The following RP1L1 variants were observed in gnomAD, a reference collection of about 807,000 sequenced individuals.
The protein encoded by RP1L1 is retinitis pigmentosa 1-like 1 protein.
In RP1L1, 27 loss-of-function variants were observed where a neutral mutation model predicts 15.7. That is an observed-to-expected ratio of 1.72 (90% CI 1.27 to 2.38). The LOEUF is 2.38. Ranked by LOEUF, RP1L1 falls within the 30% of genes most tolerant of loss-of-function variation. RP1L1 has a pLI of 0.00. For synonymous variants in RP1L1, 1,813 were observed against 1,276.7 expected, an observed-to-expected ratio of 1.42 and a Z score of -8.96; for missense variants, 4,798 against 3,075.9, an observed-to-expected ratio of 1.56 and a Z score of -13.24.
At chr8:10,639,860 G>C (rs140953454) in intron 1 of RP1L1, among the ~76,000 whole-genome samples, 1 of 152,296 alleles carries the variant, frequency 6.6e-6, no homozygotes, top group African/African-American at 2.4e-5. Context: ...AGTATTTCCA[G>C]AAGAAAGGAC....
chr8:10,635,570 T>C (rs1465266541), intron 1 of RP1L1, among the ~76,000 whole-genome samples: 1 of 152,166 alleles, frequency 6.6e-6, no homozygotes, highest in Non-Finnish European at 1.5e-5. Flanking sequence ...TTCTGTACTA[T>C]GTTGCTCTCC....
intron 1 of RP1L1, among the ~76,000 whole-genome samples, chr8:10,628,147 T>C (rs1261188031): frequency 2.0e-5 from 3 of 152,116 alleles, no homozygotes; most frequent in Non-Finnish European, 4.4e-5. Flanking sequence ...TGGCTTTGAG[T>C]GACCTACTTG....
At chr8:10,649,601 A>G (rs1798529517) in intron 1 of RP1L1, among the ~76,000 whole-genome samples, 1 of 152,192 alleles carries the variant, frequency 6.6e-6, no homozygotes, top group Non-Finnish European at 1.5e-5. Flanking sequence ...GCTTCTGGCC[A>G]GGTGCGGTGG....
intron 1 of RP1L1, among the ~76,000 whole-genome samples, chr8:10,649,321 TC>T: frequency 6.6e-6 from 1 of 152,368 alleles, no homozygotes; most frequent in South Asian, 2.1e-4. Context: ...GGGAGCCTAC[TC>T]TAGGGACTAG....
intron 1 of RP1L1, among the ~76,000 whole-genome samples, chr8:10,641,613 G>A (rs1382422816): frequency 1.3e-5 from 2 of 152,226 alleles, no homozygotes; most frequent in African/African-American, 4.8e-5. Context: ...TATTTTCAAT[G>A]TTATCGTAAT....
At chr8:10,635,143 C>T (rs1056150787) in intron 1 of RP1L1, among the ~76,000 whole-genome samples, 3 of 152,188 alleles carry the variant, frequency 2.0e-5, no homozygotes, top group Non-Finnish European at 4.4e-5. Flanking sequence ...CGGTCTTCAT[C>T]TGATCTTGCC....
At chr8:10,654,333 T>G (rs73662893) in intron 1 of RP1L1, among the ~76,000 whole-genome samples, 6,119 of 152,146 alleles carry the variant, frequency 0.04, 430 homozygotes, top group African/African-American at 0.14. Flanking sequence ...TGAAGCTGGG[T>G]AGAGAAAATT....
At chr8:10,626,239 G>A (rs929975573) in intron 1 of RP1L1, among the ~76,000 whole-genome samples, 61 of 126,788 alleles carry the variant, frequency 4.8e-4, no homozygotes, top group African/African-American at 1.5e-3. Context: ...GTGAATAGCG[G>A]GAGGATGGGG....
chr8:10,635,552 C>G (rs1164157940), intron 1 of RP1L1, among the ~76,000 whole-genome samples: 1 of 152,158 alleles, frequency 6.6e-6, no homozygotes, highest in Non-Finnish European at 1.5e-5. Context: ...GAAAGAAGAC[C>G]AGGTAACTTC....
rs761779201 is a variant in RP1L1, at chr8:10,613,068, C to A, written c.1030G>T (p.Gly344Cys). The change falls in exon 4 of 4, where the codon GGC becomes TGC. Residue 344 changes from glycine to cysteine, a missense_variant. Transcript: ENST00000382483. ...EDTLLWSRRM[G>C]RASALTAASG... ...GCTGCCGTGAGGGCGCTGGCCCTGC[C>A]CATCCTCCGGGACCATAGGAGCGTG... 1.6e-5 allele frequency: 26 copies of A among 1,613,598 alleles called. 1 individual carries two copies. The highest frequency in any genetic ancestry group is 4.0e-5 in the African/African-American group (3 of 74,948).
At chr8:10,628,542 G>C (rs540413537) in intron 1 of RP1L1, among the ~76,000 whole-genome samples, 1 of 152,244 alleles carries the variant, frequency 6.6e-6, no homozygotes, top group South Asian at 2.1e-4. Context: ...CCTTGGTGAT[G>C]AGAAAAAAAC....
In RP1L1 at chr8:10,632,501, C is replaced by G. The variant is rs151263859; in HGVS notation, c.-19-9281G>C. Reference sequence around the variant, plus strand: ...TTGGGGAGGGACCCCCATCTCATCCCGACTTTTTCCTTTCCCCCTGCATGC... The same window carrying G: ...TTGGGGAGGGACCCCCATCTCATCCGGACTTTTTCCTTTCCCCCTGCATGC... On this transcript the variant is annotated intron_variant, in intron 1 of 3. Transcript: ENST00000382483. 2.0e-3 allele frequency among the ~76,000 whole-genome samples: 302 copies of G among 152,298 alleles called. 2 individuals are homozygous for G. The highest frequency in any genetic ancestry group is 6.9e-3 in the African/African-American group (287 of 41,570).
intron 2 of RP1L1, among the ~76,000 whole-genome samples, 180 bp from the exon 3 acceptor site, chr8:10,616,767 G>C (rs558517728): frequency 3.3e-5 from 5 of 152,112 alleles, no homozygotes; most frequent in Non-Finnish European, 5.9e-5. Context: ...TCACTAGCTG[G>C]AGGCTGAGGT....
chr8:10,616,625 G>A (rs755067311), intron 2 of RP1L1, 38 bp from the exon 3 acceptor site: 4 of 1,592,346 alleles, frequency 2.5e-6, no homozygotes, highest in South Asian at 1.1e-5. Context: ...GGCCTGGGCT[G>A]CAGAAACCCC....
intron 1 of RP1L1, among the ~76,000 whole-genome samples, chr8:10,638,833 C>T (rs916789293): frequency 2.6e-5 from 4 of 152,134 alleles, no homozygotes; most frequent in African/African-American, 9.7e-5. Context: ...CACGTTCTTG[C>T]CTCTGCTCTC....
chr8:10,630,814 A>C (rs1294648779), intron 1 of RP1L1, among the ~76,000 whole-genome samples: 3 of 152,258 alleles, frequency 2.0e-5, no homozygotes, highest in Non-Finnish European at 4.4e-5. Context: ...AACACTGGAC[A>C]TGATGGAATG....
intron 1 of RP1L1, among the ~76,000 whole-genome samples, chr8:10,652,383 C>T (rs367885227): frequency 4.7e-4 from 71 of 152,306 alleles, no homozygotes; most frequent in African/African-American, 1.6e-3. Flanking sequence ...TCCTCAGAAA[C>T]TGATCCATCA....
At chr8:10,644,101 CT>C (rs939650093) in intron 1 of RP1L1, among the ~76,000 whole-genome samples, 1 of 152,020 alleles carries the variant, frequency 6.6e-6, no homozygotes, top group African/African-American at 2.4e-5. Context: ...AATTCTACCT[CT>C]TTTGAAAGCT....
chr8:10,621,823 A>G (rs1283387816), intron 2 of RP1L1: 1 of 469,544 alleles, frequency 2.1e-6, no homozygotes, highest in Admixed American at 2.3e-5. Context: ...CAATAATCAT[A>G]GTGGCTTCCA....
Sources: allele counts gnomAD v4.1 joint callset (sites outside exome capture counted in the v4.1 genomes callset), GRCh38; gene constraint gnomAD v4.1.1; transcripts MANE v1.5; gene names NCBI Gene and HGNC (gene_info 2026-07-23, HGNC 2026-07-21).